CFAP263: variants seen among roughly 807,000 people sequenced by gnomAD.
CFAP263 encodes the protein cilia and flagella associated protein 263, also known as cilia- and flagella-associated protein 263.
At chr16:58,282,893 C>G in the CFAP263 span, 7 of 152,286 alleles carry the variant, frequency 4.6e-5, no homozygotes, top group Non-Finnish European at 7.3e-5. Context: ...TCAGCTATGG[C>G]GTGGTTTTGC....
the CFAP263 span, among the ~76,000 whole-genome samples, chr16:58,268,778 G>C: frequency 1.3e-5 from 2 of 151,992 alleles, no homozygotes; most frequent in South Asian, 4.2e-4. Context: ...TTTTTTCCTT[G>C]TGTTGATAGT....
the CFAP263 span, among the ~76,000 whole-genome samples, chr16:58,252,067 A>T: frequency 6.6e-6 from 1 of 152,364 alleles, no homozygotes; most frequent in East Asian, 1.9e-4. Flanking sequence ...GTTTAACTTC[A>T]AGAATATAGT....
At chr16:58,270,935 T>G in the CFAP263 span, among the ~76,000 whole-genome samples, 1 of 152,202 alleles carries the variant, frequency 6.6e-6, no homozygotes, top group African/African-American at 2.4e-5. Flanking sequence ...ACAGCTTTGT[T>G]TCAGCCTCCC....
chr16:58,270,681 T>C, the CFAP263 span, among the ~76,000 whole-genome samples: 1 of 152,202 alleles, frequency 6.6e-6, no homozygotes, highest in South Asian at 2.1e-4. Flanking sequence ...TAAGAAACCA[T>C]TGCCTTACCC....
chr16:58,280,742 G>A, the CFAP263 span: 2 of 1,604,848 alleles, frequency 1.2e-6, no homozygotes, highest in Admixed American at 1.7e-5. Flanking sequence ...CACATCATTG[G>A]GCTTCCTGGG....
chr16:58,259,233 C>A, the CFAP263 span, among the ~76,000 whole-genome samples: 1 of 151,950 alleles, frequency 6.6e-6, no homozygotes, highest in Non-Finnish European at 1.5e-5. Flanking sequence ...TTTAAAAAAA[C>A]CTTTAAAAAA....
At chr16:58,254,365 C>A in the CFAP263 span, among the ~76,000 whole-genome samples, 15 of 152,186 alleles carry the variant, frequency 9.9e-5, no homozygotes, top group South Asian at 2.9e-3. Flanking sequence ...TGGGAAATTT[C>A]AAAAATACAC....
At chr16:58,255,478 A>G in the CFAP263 span, among the ~76,000 whole-genome samples, 6 of 152,252 alleles carry the variant, frequency 3.9e-5, no homozygotes, top group South Asian at 1.0e-3. Flanking sequence ...TTTACCAGCC[A>G]TCTAGGCATC....
At chr16:58,273,953 C>T in the CFAP263 span, among the ~76,000 whole-genome samples, 1 of 152,152 alleles carries the variant, frequency 6.6e-6, no homozygotes, top group Non-Finnish European at 1.5e-5. Context: ...ATACAATTGC[C>T]CTGACGACCA....
chr16:58,260,076 A>ATCCT, the CFAP263 span: 1 of 575,294 alleles, frequency 1.7e-6, no homozygotes, highest in Non-Finnish European at 3.1e-6. Flanking sequence ...GGCAAAAAGG[A>ATCCT]TTTTGCAGAT....
the CFAP263 span, among the ~76,000 whole-genome samples, chr16:58,262,155 G>A: frequency 6.6e-6 from 1 of 151,424 alleles, no homozygotes; most frequent in South Asian, 2.1e-4. Context: ...ATGGCTTGTT[G>A]GTAAACCCTC....
At chr16:58,279,997 T>C in the CFAP263 span, 1 of 622,678 alleles carries the variant, frequency 1.6e-6, no homozygotes, top group South Asian at 2.1e-5. Flanking sequence ...GGCACTCTAA[T>C]GGTTTGACAC....
chr16:58,276,398 G>A, the CFAP263 span, among the ~76,000 whole-genome samples: 1 of 152,192 alleles, frequency 6.6e-6, no homozygotes, highest in Admixed American at 6.6e-5. Flanking sequence ...ACATTAACAT[G>A]CACATATGCT....
At chr16:58,263,084 C>T in the CFAP263 span, among the ~76,000 whole-genome samples, 61 of 152,290 alleles carry the variant, frequency 4.0e-4, no homozygotes, top group African/African-American at 1.4e-3. Context: ...AAAAGAGGCA[C>T]TATTAATAAT....
chr16:58,270,390 A>G, the CFAP263 span, among the ~76,000 whole-genome samples: 1 of 152,136 alleles, frequency 6.6e-6, no homozygotes, highest in Non-Finnish European at 1.5e-5. Flanking sequence ...CGAACACTGT[A>G]CTGAAAGTGA....
the CFAP263 span, among the ~76,000 whole-genome samples, chr16:58,266,217 C>A: frequency 6.6e-6 from 1 of 151,618 alleles, no homozygotes; most frequent in South Asian, 2.1e-4. Flanking sequence ...CCCTTGCCCC[C>A]TCCTCCTGCC....
the CFAP263 span, among the ~76,000 whole-genome samples, chr16:58,270,048 G>C: frequency 6.6e-6 from 1 of 152,182 alleles, no homozygotes. Context: ...TGAAGTGATA[G>C]CTCGTTGTGG....
At chr16:58,274,394 G>T in the CFAP263 span, among the ~76,000 whole-genome samples, 1 of 152,158 alleles carries the variant, frequency 6.6e-6, no homozygotes, top group Non-Finnish European at 1.5e-5. Flanking sequence ...GTCCCCTTGG[G>T]CAGCATTCCA....
At chr16:58,250,105 G>A in the CFAP263 span, 1 of 1,580,198 alleles carries the variant, frequency 6.3e-7, no homozygotes. Context: ...CGGGCTGGTG[G>A]AGGAGCTCAG....
Sources: allele counts gnomAD v4.1 joint callset (sites outside exome capture counted in the v4.1 genomes callset), GRCh38; gene constraint gnomAD v4.1.1; transcripts MANE v1.5; gene names NCBI Gene and HGNC (gene_info 2026-07-23, HGNC 2026-07-21).